ASAP1: variants seen among roughly 807,000 people sequenced by gnomAD.
ASAP1 encodes the protein ArfGAP with SH3 domain, ankyrin repeat and PH domain 1.
In ASAP1, 43 loss-of-function variants were observed where a neutral mutation model predicts 145.2. The observed-to-expected ratio is 0.30, with a 90% CI of 0.23 to 0.38. The LOEUF (loss-of-function observed/expected upper bound fraction) is 0.38. Among genes scored for constraint, ASAP1 ranks in the 10% least tolerant of loss-of-function variants. The pLI is 1.00. For synonymous variants in ASAP1, 546 were observed against 515.5 expected (o/e 1.06, Z -0.80); for missense variants, 1,018 against 1,355.3 (o/e 0.75, Z 3.91).
rs1166017867 is a variant in ASAP1 at position 130,373,109 on chromosome 8, TATACACACACACACAC to T, written c.60-14982_60-14967del. Among the ~76,000 whole-genome samples, 175 of 127,672 alleles carry T rather than the reference TATACACACACACACAC, an allele frequency of 1.4e-3. 3 individuals are homozygous for T. Among genetic ancestry groups the T allele is most frequent in the African/African-American group, 4.2e-3 (141 of 33,238 alleles). 83.8% of individuals were successfully genotyped at this position (127,672 alleles called of 152,430 possible). ...ACCCCCCCACACACACAGAAATACA[TATACACACACACACAC>T]ACACACACACACACACACACACACA... is the stretch of plus-strand genomic sequence containing the variant. On this transcript the variant is annotated intron_variant, in intron 2 of 29. Coordinates refer to ENST00000518721, the MANE Select transcript of ASAP1 (RefSeq NM_018482.4).
At chr8:130,258,162 T>C (rs770265501) in intron 3 of ASAP1, among the ~76,000 whole-genome samples, 52 of 152,322 alleles carry the variant, frequency 3.4e-4, no homozygotes, top group Admixed American at 1.1e-3. Context: ...CTGAACCAGT[T>C]TGCTGACACC....
At chr8:130,321,483 T>C (rs189537815) in intron 3 of ASAP1, among the ~76,000 whole-genome samples, 2 of 152,068 alleles carry the variant, frequency 1.3e-5, no homozygotes, top group Admixed American at 1.3e-4. Context: ...ATTTCTACAT[T>C]TACAAAAAAG....
intron 3 of ASAP1, among the ~76,000 whole-genome samples, chr8:130,288,532 G>C (rs959895467): frequency 6.6e-6 from 1 of 152,140 alleles, no homozygotes; most frequent in African/African-American, 2.4e-5. Context: ...GAGGGAAAAG[G>C]GCATTCAGAA....
chr8:130,404,822 G>A (rs1828950841), intron 1 of ASAP1, among the ~76,000 whole-genome samples: 1 of 152,176 alleles, frequency 6.6e-6, no homozygotes, highest in South Asian at 2.1e-4. Flanking sequence ...GGCTAGAAGT[G>A]ACAGTGTGCT....
intron 2 of ASAP1, among the ~76,000 whole-genome samples, chr8:130,388,286 T>C (rs1199707557): frequency 1.3e-5 from 2 of 152,170 alleles, no homozygotes; most frequent in Non-Finnish European, 2.9e-5. Context: ...ATCATGCTAG[T>C]CTTTGTAGGC....
At chr8:130,185,201 GT>G (rs1217116643) in intron 7 of ASAP1, among the ~76,000 whole-genome samples, 1 of 152,168 alleles carries the variant, frequency 6.6e-6, no homozygotes, top group Admixed American at 6.5e-5. Flanking sequence ...CAGGAAAATT[GT>G]TGACAGGGAT....
chr8:130,180,188 T>C (rs951328914), intron 8 of ASAP1, among the ~76,000 whole-genome samples: 1 of 152,074 alleles, frequency 6.6e-6, no homozygotes, highest in African/African-American at 2.4e-5. Flanking sequence ...TTCTCCACTT[T>C]AATATTTTCT....
At chr8:130,066,653 GGT>G (rs1256106094) in intron 27 of ASAP1, among the ~76,000 whole-genome samples, 1 of 147,834 alleles carries the variant, frequency 6.8e-6, no homozygotes, top group Non-Finnish European at 1.5e-5. Flanking sequence ...TCATTTGATG[GGT>G]GTTTAGAATA....
chr8:130,426,576 CACTT>C (rs1829927052), intron 1 of ASAP1, among the ~76,000 whole-genome samples: 1 of 152,224 alleles, frequency 6.6e-6, no homozygotes, highest in Non-Finnish European at 1.5e-5. Flanking sequence ...ACTTTCTTGT[CACTT>C]ACTCCACTCC....
intron 3 of ASAP1, among the ~76,000 whole-genome samples, chr8:130,276,712 ACACACACACACACACACTCTCT>A (rs1820907883): frequency 7.7e-6 from 1 of 129,640 alleles, no homozygotes; most frequent in African/African-American, 2.9e-5. Context: ...ACACACACAC[ACACACACACACACACACTCTCT>A]CTCTCTCTCT....
At chr8:130,225,601 T>TA (rs1005684192) in intron 4 of ASAP1, among the ~76,000 whole-genome samples, 1 of 152,084 alleles carries the variant, frequency 6.6e-6, no homozygotes, top group African/African-American at 2.4e-5. Flanking sequence ...TAATATTTGA[T>TA]AAAAAAAGAA....
At chr8:130,373,795 C>T (rs1586929655) in intron 2 of ASAP1, among the ~76,000 whole-genome samples, 2 of 141,424 alleles carry the variant, frequency 1.4e-5, no homozygotes, top group Non-Finnish European at 1.5e-5. Context: ...TGCAGTGAGC[C>T]GAGATCGTGC....
chr8:130,111,031 A>C (rs1000125480), intron 24 of ASAP1, among the ~76,000 whole-genome samples: 8 of 151,990 alleles, frequency 5.3e-5, no homozygotes, highest in African/African-American at 1.7e-4. Context: ...CTGAGGCGCC[A>C]GCCCTGTGAG....
chr8:130,232,451 G>GCTCT (rs1218829592), intron 4 of ASAP1, among the ~76,000 whole-genome samples: 7 of 152,134 alleles, frequency 4.6e-5, no homozygotes, highest in Non-Finnish European at 7.4e-5. Context: ...AAAACTTAGA[G>GCTCT]AACAACACAG....
At chr8:130,146,053 C>T (rs1016583088) in intron 13 of ASAP1, among the ~76,000 whole-genome samples, 15 of 148,972 alleles carry the variant, frequency 1.0e-4, no homozygotes, top group African/African-American at 1.7e-4. Context: ...GGTTTTGCCA[C>T]GTAGCCCAGG....
intron 1 of ASAP1, among the ~76,000 whole-genome samples, chr8:130,421,314 A>G (rs1320313139): frequency 1.3e-5 from 2 of 152,206 alleles, no homozygotes; most frequent in Non-Finnish European, 2.9e-5. Flanking sequence ...TGCTTCTCCA[A>G]GCCAAACATT....
chr8:130,166,884 C>A (rs941465179), intron 11 of ASAP1, among the ~76,000 whole-genome samples: 7 of 152,210 alleles, frequency 4.6e-5, no homozygotes, highest in Non-Finnish European at 8.8e-5. Context: ...ATTTCCCTGG[C>A]AAATGAGACA....
At chr8:130,151,172 A>T in intron 13 of ASAP1, among the ~76,000 whole-genome samples, 1 of 151,776 alleles carries the variant, frequency 6.6e-6, no homozygotes, top group East Asian at 1.9e-4. Context: ...GGAGTTTGAG[A>T]CCAGCCTGGT....
intron 26 of ASAP1, among the ~76,000 whole-genome samples, chr8:130,078,110 C>T (rs1000239670): frequency 1.3e-5 from 2 of 152,064 alleles, no homozygotes; most frequent in African/African-American, 4.8e-5. Flanking sequence ...CTGCCTTAGC[C>T]TCCTGAGTAG....
Sources: gnomAD v4.1 joint callset for allele counts (sites outside exome capture counted in the v4.1 genomes callset) on GRCh38, gnomAD v4.1.1 for gene constraint, MANE v1.5 for transcripts, NCBI Gene and HGNC (gene_info 2026-07-23, HGNC 2026-07-21) for gene names.